Variants in NECTIN2 observed in about 807,000 individuals in gnomAD.
NECTIN2 encodes the protein nectin-2.
Under a neutral mutation model 56.9 loss-of-function variants are expected in NECTIN2, and 23 were observed. The observed-to-expected ratio is 0.40, with a 90% CI of 0.29 to 0.57. The LOEUF is 0.57. NECTIN2 is among the 20% of genes least tolerant of loss of function. The pLI, the probability that NECTIN2 is intolerant of heterozygous loss-of-function variation, is 0.38. For missense variants in NECTIN2, 587 were observed against 718.3 expected, an observed-to-expected ratio of 0.82 and a Z score of 2.09; for synonymous variants, 302 against 313.8, an observed-to-expected ratio of 0.96 and a Z score of 0.40.
At position 44,865,464 on chromosome 19, in the gene NECTIN2, C is replaced by T; in HGVS notation, c.282C>T (p.Pro94=). ...ACCCTAAGATGGGTCCCAGCTTCCCCAGCCCGAAGCCTGGCAGCGAGCGGC... is the reference window on the plus strand; with the variant it reads ...ACCCTAAGATGGGTCCCAGCTTCCCTAGCCCGAAGCCTGGCAGCGAGCGGC... ...AFHPKMGPSF[P]SPKPGSERLS... is the part of the protein sequence containing the mutation. The change falls in exon 2 of 9, where the codon CCC becomes CCT. Residue 94 remains proline, a synonymous_variant. Transcript: ENST00000252483. The surrounding 1 kb of genome is among the most constrained non-coding windows in gnomAD (Gnocchi z 5.2). The T allele has an allele frequency of 1.2e-6, 2 of 1,613,798 alleles. No individual in the cohort carries two copies. Among genetic ancestry groups the T allele is most frequent in the Non-Finnish European group, 1.7e-6 (2 of 1,179,946 alleles).
At chr19:44,877,578 C>G (rs1348573056) in intron 5 of NECTIN2, among the ~76,000 whole-genome samples, 1 of 152,214 alleles carries the variant, frequency 6.6e-6, no homozygotes, top group African/African-American at 2.4e-5. Context: ...ATAAATGCTC[C>G]CAGCCACTCA....
intron 6 of NECTIN2, among the ~76,000 whole-genome samples, chr19:44,884,628 TGGA>T (rs1286844750): frequency 3.9e-5 from 6 of 152,158 alleles, no homozygotes; most frequent in Admixed American, 3.9e-4. Context: ...GCTCACAATA[TGGA>T]GGAGGAGACA....
intron 1 of NECTIN2, among the ~76,000 whole-genome samples, chr19:44,860,614 A>G (rs1158234489): frequency 6.6e-6 from 1 of 151,750 alleles, no homozygotes; most frequent in African/African-American, 2.4e-5. Flanking sequence ...TTATAAAAAA[A>G]TTATATATAT....
chr19:44,849,239 T>A (rs1390196999), intron 1 of NECTIN2, among the ~76,000 whole-genome samples: 1 of 150,206 alleles, frequency 6.7e-6, no homozygotes, highest in Non-Finnish European at 1.5e-5. Flanking sequence ...GACACAGGGA[T>A]GAGGCTGAAA....
rs57740346 is a variant in NECTIN2 at position 44,862,992 on chromosome 19, CAA to C, written c.89-2260_89-2259del. Among the ~76,000 whole-genome samples the C allele has an allele frequency of 2.2e-3, 276 of 123,098 alleles. 1 individual carries two copies. Among genetic ancestry groups the C allele is most frequent in the African/African-American group, 4.8e-3 (151 of 31,688 alleles). 80.8% of individuals were successfully genotyped at this position (123,098 alleles called of 152,430 possible). On this transcript the variant is annotated intron_variant, in intron 1 of 8. Transcript: ENST00000252483. ...TGAAACCCCGTCTCTACTAAAAATA[CAA>C]AAAAAAAAAAAAAAAAAATTAGCCG... is the stretch of plus-strand genomic sequence containing the variant.
rs117780031 is a variant in NECTIN2, at chr19:44,883,569, C to G, written c.1196+1205C>G. The stretch of plus-strand genomic sequence containing the variant: ...AGATCACAAGCATGAGCCACTGCGC[C>G]CAGCCAATGCCAGCACTTTGGAAGG... On this transcript the variant is annotated intron_variant, in intron 6 of 8. Coordinates refer to ENST00000252483, the MANE Select transcript of NECTIN2 (RefSeq NM_001042724.2). 3.3e-5 allele frequency among the ~76,000 whole-genome samples: 5 copies of G among 152,330 alleles called. No homozygotes were observed. In the East Asian group the frequency reaches 9.7e-4, roughly 29 times the overall value.
chr19:44,861,569 A>C (rs1165357911), intron 1 of NECTIN2, among the ~76,000 whole-genome samples: 1 of 152,228 alleles, frequency 6.6e-6, no homozygotes, highest in Non-Finnish European at 1.5e-5. Context: ...GTGAACAGAC[A>C]ACCTACAGAG....
At chr19:44,866,863 G>C (rs1215803749) in intron 2 of NECTIN2, among the ~76,000 whole-genome samples, 3 of 152,100 alleles carry the variant, frequency 2.0e-5, no homozygotes, top group Admixed American at 6.6e-5. Flanking sequence ...AGAAACCACA[G>C]GGTAAGGCAA....
At position 44,888,730 on chromosome 19, in the gene NECTIN2, T is replaced by C. The variant is rs1423503097; in HGVS notation, c.*351T>C. 8.3e-6 allele frequency: 2 copies of C among 241,740 alleles called. No individual in the cohort carries two copies. Among genetic ancestry groups the C allele is most frequent in the Non-Finnish European group, 1.6e-5 (2 of 122,266 alleles). The allele number at this position is 241,740 out of a possible 1,614,324, so 15.0% of individuals were successfully genotyped here. On this transcript the variant is annotated 3_prime_UTR_variant, in exon 9 of 9. Coordinates refer to ENST00000252483, the MANE Select transcript of NECTIN2 (RefSeq NM_001042724.2). ...AATCACAAAGAAGACCCTAGACCTA[T>C]AATTTGTCTTCAGGTAGTAAATTCC...
chr19:44,887,197 A>C (rs572475949), intron 8 of NECTIN2, among the ~76,000 whole-genome samples: 33 of 152,124 alleles, frequency 2.2e-4, no homozygotes, highest in Middle Eastern at 3.4e-3. Context: ...TAAAAACAAA[A>C]ATAAGCCAGG....
At chr19:44,873,841 CCTGT>C in intron 3 of NECTIN2, 71 bp from the exon 4 acceptor site, 1 of 1,123,872 alleles carries the variant, frequency 8.9e-7, no homozygotes, top group Non-Finnish European at 1.3e-6. Flanking sequence ...CTTTAGCATT[CCTGT>C]CTATCTGCTA....
At chr19:44,857,021 G>A (rs758341033) in intron 1 of NECTIN2, among the ~76,000 whole-genome samples, 12 of 152,188 alleles carry the variant, frequency 7.9e-5, no homozygotes, top group Non-Finnish European at 1.8e-4. Flanking sequence ...GGACCCTGGA[G>A]GGTGGCTGAA....
rs150434295 is a variant in NECTIN2, at chr19:44,856,402, G to A, written c.89-8869G>A. ...AACTTTTTGTGTCATTTTGCTGTCT[G>A]GTCATCTATCTCTGCTCAGCCCACC... On this transcript the variant is annotated intron_variant, in intron 1 of 8. Transcript: ENST00000252483. Among the ~76,000 whole-genome samples the A allele has an allele frequency of 2.9e-4, 44 of 152,220 alleles. 1 individual carries two copies. The highest frequency in any genetic ancestry group is 8.5e-4 in the Admixed American group (13 of 15,274).
intron 2 of NECTIN2, among the ~76,000 whole-genome samples, chr19:44,867,639 C>CG (rs1969116929): frequency 6.6e-6 from 1 of 152,088 alleles, no homozygotes; most frequent in African/African-American, 2.4e-5. Flanking sequence ...CAGAGGGGCA[C>CG]GGGCACAGAA....
chr19:44,888,741 C>T lies in NECTIN2; in HGVS notation c.*362C>T, dbSNP rs1008061761. ...AGACCCTAGACCTATAATTTGTCTTCAGGTAGTAAATTCCCAATAGGTCTG... is the reference window on the plus strand; with the variant it reads ...AGACCCTAGACCTATAATTTGTCTTTAGGTAGTAAATTCCCAATAGGTCTG... On this transcript the variant is annotated 3_prime_UTR_variant, in exon 9 of 9. Coordinates refer to ENST00000252483, the MANE Select transcript of NECTIN2 (RefSeq NM_001042724.2). 3.6e-5 allele frequency: 8 copies of T among 221,168 alleles called. No individual in the cohort carries two copies. The highest frequency in any genetic ancestry group is 7.3e-5 in the Non-Finnish European group (8 of 109,464). 13.7% of individuals were successfully genotyped at this position (221,168 alleles called of 1,614,324 possible).
At chr19:44,867,757 C>T (rs920539191) in intron 2 of NECTIN2, among the ~76,000 whole-genome samples, 1 of 152,090 alleles carries the variant, frequency 6.6e-6, no homozygotes, top group South Asian at 2.1e-4. Context: ...CCACATTACA[C>T]GGGCTTCACA....
chr19:44,884,984 T>G (rs283810), intron 6 of NECTIN2, among the ~76,000 whole-genome samples: 22,941 of 152,032 alleles, frequency 0.15, 2,816 homozygotes, highest in African/African-American at 0.33. Context: ...CTTTTTTTTC[T>G]TTTCTTTTCT....
At chr19:44,868,872 A>T (rs58521715) in intron 2 of NECTIN2, among the ~76,000 whole-genome samples, 46,423 of 150,694 alleles carry the variant, frequency 0.31, 7,391 homozygotes, top group Middle Eastern at 0.46. Context: ...AGATCGCGCC[A>T]CTATACTCCA....
chr19:44,872,384 T>C (rs1346622870), intron 3 of NECTIN2, among the ~76,000 whole-genome samples: 1 of 152,114 alleles, frequency 6.6e-6, no homozygotes, highest in African/African-American at 2.4e-5. Context: ...TGTGGTAACC[T>C]GGGATGGGCT....
Sources: allele counts gnomAD v4.1 joint callset (sites outside exome capture counted in the v4.1 genomes callset), GRCh38; gene constraint gnomAD v4.1.1; non-coding constraint Gnocchi (gnomAD v3.1); transcripts MANE v1.5; gene names NCBI Gene and HGNC (gene_info 2026-07-23, HGNC 2026-07-21).